SMYD4: variants seen among roughly 807,000 people sequenced by gnomAD.
SMYD4 encodes the protein SET and MYND domain containing 4.
SMYD4 carries 68 observed loss-of-function variants against 72.8 expected under a neutral mutation model. That is an observed-to-expected ratio of 0.93 (90% CI 0.77 to 1.14). The LOEUF is 1.14. Ranked by LOEUF, SMYD4 falls within the 50% of genes most tolerant of loss-of-function variation. The pLI, the probability that SMYD4 is intolerant of heterozygous loss-of-function variation, is 0.00. For synonymous variants in SMYD4, 407 were observed against 388.6 expected (o/e 1.05, Z -0.56); for missense variants, 984 against 1,003.7 (o/e 0.98, Z 0.27).
chr17:1,820,817 T>C (rs561686902), intron 2 of SMYD4, among the ~76,000 whole-genome samples: 10 of 152,282 alleles, frequency 6.6e-5, no homozygotes, highest in Admixed American at 5.9e-4. Flanking sequence ...AGAATGTCTA[T>C]TGGCAAGAAA....
chr17:1,787,596 C>T lies in SMYD4; in HGVS notation c.1546G>A (p.Gly516Arg), dbSNP rs1334995580. 19 of 1,585,882 alleles carry T rather than the reference C, an allele frequency of 1.2e-5. No individual in the cohort carries two copies. Among genetic ancestry groups the T allele is most frequent in the Admixed American group, 1.8e-5 (1 of 55,556 alleles). ...MTTIQHTGPKGSIVTDSRQVR... is the reference protein window; with the variant it reads ...MTTIQHTGPKRSIVTDSRQVR... ...TGCCTGCTGTCGGTAACGATGCTCCCTTTAGGTCCTGAAAGGGCAAGAGGA... is the reference window on the plus strand; with the variant it reads ...TGCCTGCTGTCGGTAACGATGCTCCTTTTAGGTCCTGAAAGGGCAAGAGGA... The change falls in exon 6 of 11, where the codon GGG becomes AGG. Residue 516 changes from glycine (G) to arginine (R), a missense_variant. Transcript: ENST00000305513.
chr17:1,800,242 G>A lies in SMYD4; in HGVS notation c.1152C>T (p.Ser384=), dbSNP rs1324313550. ...AATTAAGTGTCTTGACCTGATTGTT[G>A]CTTTCAGGTAAACAGATGTCCTTGT... The part of the protein sequence containing the change: ...ISNKDICLPE[S]NNQVKTLNYG... Residue 384 remains serine, a synonymous_variant, in exon 5 of 11, where the codon AGC becomes AGT. Coordinates refer to ENST00000305513, the MANE Select transcript of SMYD4 (RefSeq NM_052928.3). 6.2e-7 allele frequency: 1 copy of A among 1,614,000 alleles called. No homozygotes were observed. Among genetic ancestry groups the A allele is most frequent in the African/African-American group, 1.3e-5 (1 of 74,908 alleles).
At chr17:1,803,630 G>T (rs144643469) in intron 4 of SMYD4, among the ~76,000 whole-genome samples, 1 of 152,162 alleles carries the variant, frequency 6.6e-6, no homozygotes, top group African/African-American at 2.4e-5. Context: ...CTCCTGAGTA[G>T]CTGGGATTAC....
intron 9 of SMYD4, 69 bp downstream of exon 9, chr17:1,783,291 G>C: frequency 6.2e-7 from 1 of 1,610,478 alleles, no homozygotes; most frequent in Non-Finnish European, 8.5e-7. Flanking sequence ...AGGCAGACAA[G>C]GCCGGGGCCA....
At chr17:1,789,249 A>G (rs1908875017) in intron 5 of SMYD4, among the ~76,000 whole-genome samples, 1 of 152,024 alleles carries the variant, frequency 6.6e-6, no homozygotes, top group South Asian at 2.1e-4. Context: ...TTAGCTGGGC[A>G]TGGTGGCATG....
intron 5 of SMYD4, among the ~76,000 whole-genome samples, chr17:1,791,312 GC>G (rs1909019940): frequency 6.6e-6 from 1 of 151,860 alleles, no homozygotes. Flanking sequence ...ATCATCAGTG[GC>G]CAGTTCTGTC....
intron 2 of SMYD4, among the ~76,000 whole-genome samples, chr17:1,815,657 TAA>T (rs75794837): frequency 0.13 from 18,249 of 136,570 alleles, 1,373 homozygotes; most frequent in African/African-American, 0.21. Context: ...GACCCTGCCT[TAA>T]AAAAAAAAAA....
rs374200948 is a variant in SMYD4, at chr17:1,823,464, C to CA, written c.134+4396dup. 1.1e-4 allele frequency among the ~76,000 whole-genome samples: 16 copies of CA among 146,170 alleles called. No individual in the cohort carries two copies. The East Asian group carries it at 3.3e-3, about 30-fold the overall frequency. ...AAAGTTCACATGGGGGAAATGCACA[C>CA]AAAATACCCAAGATATTCTGGAATA... is the stretch of plus-strand genomic sequence containing the variant. On this transcript the variant is annotated intron_variant, in intron 2 of 10. Transcript: ENST00000305513.
Position 1,787,619 on chromosome 17 carries a change from G to C in SMYD4, c.1538-15C>G. On this transcript the variant is annotated splice_polypyrimidine_tract_variant and intron_variant, in intron 5 of 10. Transcript: ENST00000305513. ...CCCTTTAGGTCCTGAAAGGGCAAGA[G>C]GAAAGAAGGAAAAAGGTGTCAGCAC... 1 of 1,559,796 alleles carries C rather than the reference G, an allele frequency of 6.4e-7. No homozygotes were observed. The highest frequency in any genetic ancestry group is 1.2e-5 in the South Asian group (1 of 83,382).
At chr17:1,802,044 C>T (rs962657779) in intron 4 of SMYD4, among the ~76,000 whole-genome samples, 28 of 152,022 alleles carry the variant, frequency 1.8e-4, no homozygotes, top group Admixed American at 1.6e-3. Flanking sequence ...CTTGTGCAAT[C>T]GACTTAATTT....
Position 1,781,178 on chromosome 17 carries a change from C to T in SMYD4, c.*108G>A. 1 of 1,427,612 alleles carries T rather than the reference C, an allele frequency of 7.0e-7. No homozygotes were observed. The highest frequency in any genetic ancestry group is 9.4e-7 in the Non-Finnish European group (1 of 1,061,682). 88.4% of individuals were successfully genotyped at this position (1,427,612 alleles called of 1,614,324 possible). ...TCAGGTGATCCGCCCACCTTAGCCT[C>T]CCAAAGTGCTGGGATTACAGGCGTG... On this transcript the variant is annotated 3_prime_UTR_variant, in exon 11 of 11. Transcript: ENST00000305513.
chr17:1,825,400 T>A (rs1211032918), intron 2 of SMYD4, among the ~76,000 whole-genome samples: 1 of 151,922 alleles, frequency 6.6e-6, no homozygotes, highest in Non-Finnish European at 1.5e-5. Context: ...GGTAAAAAAA[T>A]GTTAGCAGAA....
chr17:1,808,387 T>C (rs1248236764), intron 3 of SMYD4, among the ~76,000 whole-genome samples: 1 of 152,176 alleles, frequency 6.6e-6, no homozygotes, highest in Non-Finnish European at 1.5e-5. Flanking sequence ...AGTGCAGCAT[T>C]ATCCCAATTT....
In SMYD4 at chr17:1,804,694, T is replaced by C. The variant is rs9907701; in HGVS notation, c.301A>G (p.Asn101Asp). The C allele has an allele frequency of 9.2e-4, 1,490 of 1,613,500 alleles. 9 individuals carry two copies. In the African/African-American group the frequency reaches 0.017, roughly 19 times the overall value. Residue 101 changes from asparagine to aspartate, a missense_variant, in exon 4 of 11, where the codon AAC (asparagine) becomes GAC (aspartate). Coordinates refer to ENST00000305513, the MANE Select transcript of SMYD4 (RefSeq NM_052928.3). ...TGACACAGTGACATGTCCTCAGTGT[T>C]AGGCCTTGAATGTGACACTCCCTGC... ...YSKGVSHSRPNTEDMSLCHAN... is the reference protein window; with the variant it reads ...YSKGVSHSRPDTEDMSLCHAN...
rs1483609973 is a variant in SMYD4, at chr17:1,814,403, A to G, written c.135-2288T>C. On this transcript the variant is annotated intron_variant, in intron 2 of 10. Coordinates refer to ENST00000305513, the MANE Select transcript of SMYD4 (RefSeq NM_052928.3). ...ACCCACAATAAGGAACACCTTTCACATTGTGACTCAGTATAATGCTTTTGT... is the reference window on the plus strand; with the variant it reads ...ACCCACAATAAGGAACACCTTTCACGTTGTGACTCAGTATAATGCTTTTGT... Among the ~76,000 whole-genome samples, 4 of 152,256 alleles carry G rather than the reference A, an allele frequency of 2.6e-5. No individual in the cohort carries two copies. In the East Asian group the frequency reaches 7.7e-4, roughly 29 times the overall value.
chr17:1,800,176 C>T lies in SMYD4; in HGVS notation c.1218G>A (p.Glu406=). The T allele has an allele frequency of 6.2e-7, 1 of 1,610,656 alleles. No homozygotes were observed. Among genetic ancestry groups the T allele is most frequent in the South Asian group, 1.1e-5 (1 of 90,812 alleles). ...TAATATCGCATCCAGGAATTGGGGT[C>T]TCAACGATGTTGCCATTTTTCTCAC... is the stretch of plus-strand genomic sequence containing the variant. ...GESEKNGNIV[E]TPIPGCDING... Residue 406 remains glutamate, a synonymous_variant, in exon 5 of 11, where the codon GAG becomes GAA. Coordinates refer to ENST00000305513, the MANE Select transcript of SMYD4 (RefSeq NM_052928.3).
chr17:1,783,269 C>T (rs11078639), intron 9 of SMYD4, 91 bp downstream of exon 9: 479,192 of 1,609,682 alleles, frequency 0.3, 74,504 homozygotes, highest in Admixed American at 0.4. Context: ...GTTTACAGAG[C>T]GGGGGGTAAC....
intron 5 of SMYD4, among the ~76,000 whole-genome samples, chr17:1,794,563 T>A (rs944678974): frequency 6.6e-6 from 1 of 152,122 alleles, no homozygotes; most frequent in African/African-American, 2.4e-5. Flanking sequence ...AAATGTTCAC[T>A]TACCTTTAAC....
rs750336674 is a variant in SMYD4, at chr17:1,799,986, A to C, written c.1408T>G (p.Ser470Ala). Reference sequence around the variant, plus strand: ...GTCACTGCTGCTTTAAGCTGAGAGGAGTTCACAATCCTCTCAGTTGGGATG... The same window carrying C: ...GTCACTGCTGCTTTAAGCTGAGAGGCGTTCACAATCCTCTCAGTTGGGATG... Reference protein sequence around the residue: ...QAIPTERIVNSSQLKAAVTPE... With the variant: ...QAIPTERIVNASQLKAAVTPE... Residue 470 changes from serine (S) to alanine (A), a missense_variant, in exon 5 of 11, where the codon TCC (serine) becomes GCC (alanine). Physicochemically the swap from Ser to Ala is moderately conservative, Grantham distance 99 (BLOSUM62 1). Transcript: ENST00000305513. The C allele has an allele frequency of 6.2e-7, 1 of 1,614,110 alleles. No homozygotes were observed. The highest frequency in any genetic ancestry group is 2.2e-5 in the East Asian group (1 of 44,876).
Sources: gnomAD v4.1 joint callset for allele counts (sites outside exome capture counted in the v4.1 genomes callset) on GRCh38, gnomAD v4.1.1 for gene constraint, MANE v1.5 for transcripts, NCBI Gene and HGNC (gene_info 2026-07-23, HGNC 2026-07-21) for gene names.